Variants in TTC39B observed in about 807,000 individuals in gnomAD.
TTC39B encodes the protein tetratricopeptide repeat protein 39B.
A neutral mutation model predicts 96.6 loss-of-function variants in TTC39B; 92 were observed. The ratio of observed to expected loss-of-function variants is 0.95; its 90% confidence interval spans 0.80 to 1.13. TTC39B has a LOEUF of 1.13. Ranked by LOEUF, TTC39B falls within the 50% of genes most tolerant of loss-of-function variation. The pLI, the probability that TTC39B is intolerant of heterozygous loss-of-function variation, is 0.00. For synonymous variants in TTC39B, 367 were observed against 299.4 expected (o/e 1.23, Z -2.33); for missense variants, 955 against 809.3 (o/e 1.18, Z -2.18).
chr9:15,251,700 C>CATATACATATAT lies in TTC39B; in HGVS notation c.275+16213_275+16214insATATATGTATAT, dbSNP rs1220028763. Among the ~76,000 whole-genome samples, 5 of 98,366 alleles carry CATATACATATAT rather than the reference C, an allele frequency of 5.1e-5. No individual in the cohort carries two copies. In the East Asian group the frequency reaches 2.1e-3, roughly 42 times the overall value. The allele number at this position is 98,366 out of a possible 152,430, so 64.5% of individuals were successfully genotyped here. On this transcript the variant is annotated intron_variant, in intron 2 of 19. Transcript: ENST00000512701. ...ACACACACACACACACATACATATA[C>CATATACATATAT]ATATATATATATATATATATATATA... is the stretch of plus-strand genomic sequence containing the variant.
intron 3 of TTC39B, among the ~76,000 whole-genome samples, chr9:15,218,868 C>T (rs1820681819): frequency 6.6e-6 from 1 of 152,112 alleles, no homozygotes; most frequent in African/African-American, 2.4e-5. Flanking sequence ...TCCACTGAAA[C>T]TGTGATCCTA....
At chr9:15,305,024 A>T (rs1301056406) in intron 1 of TTC39B, among the ~76,000 whole-genome samples, 1 of 152,022 alleles carries the variant, frequency 6.6e-6, no homozygotes, top group Admixed American at 6.5e-5. Context: ...TCAAATAAAG[A>T]CTATCAGACT....
chr9:15,192,519 C>T, intron 9 of TTC39B, 71 bp downstream of exon 9: 2 of 1,170,068 alleles, frequency 1.7e-6, no homozygotes, highest in Non-Finnish European at 2.5e-6. Context: ...GGTTCAAATG[C>T]AGTGGAGAAG....
chr9:15,288,429 G>A (rs760640817), intron 1 of TTC39B, among the ~76,000 whole-genome samples: 1 of 152,216 alleles, frequency 6.6e-6, no homozygotes, highest in Non-Finnish European at 1.5e-5. Context: ...GCAAAGAGAA[G>A]AGAAGGAGTA....
intron 7 of TTC39B, among the ~76,000 whole-genome samples, chr9:15,201,283 C>T (rs182352328): frequency 1.3e-5 from 2 of 151,124 alleles, no homozygotes; most frequent in East Asian, 1.9e-4. Context: ...ACAAACATAT[C>T]TCATTTCAGG....
chr9:15,187,129 T>C (rs939518644), intron 14 of TTC39B, 94 bp from the exon 15 acceptor site: 2 of 876,374 alleles, frequency 2.3e-6, no homozygotes, highest in Non-Finnish European at 3.5e-6. Context: ...CTTCCAGATA[T>C]AAAATTAGAG....
chr9:15,266,210 C>T (rs536073056), intron 2 of TTC39B, among the ~76,000 whole-genome samples: 3 of 151,704 alleles, frequency 2.0e-5, no homozygotes, highest in East Asian at 1.9e-4. Flanking sequence ...TCTGAAACTG[C>T]TCCTAATTAA....
At chr9:15,205,678 C>T (rs1009318919) in intron 6 of TTC39B, among the ~76,000 whole-genome samples, 2 of 151,890 alleles carry the variant, frequency 1.3e-5, no homozygotes, top group Admixed American at 6.6e-5. Flanking sequence ...TTATTTTTAC[C>T]CAGTCACCTG....
chr9:15,187,994 A>T lies in TTC39B; in HGVS notation c.1372T>A (p.Cys458Ser), dbSNP rs74561491. The T allele has an allele frequency of 4.1e-3, 6,616 of 1,602,262 alleles. 28 individuals carry two copies. The highest frequency in any genetic ancestry group is 4.8e-3 in the Non-Finnish European group (5,673 of 1,175,560). ...ACCTTGGACCATTTACTCTCTTTGC[A>T]AAGCAGATCTGAATAGTAATATGCC... Residue 458 changes from cysteine to serine, a missense_variant, in exon 14 of 20, where the codon TGC becomes AGC. Coordinates refer to ENST00000512701, the Ensembl canonical transcript of TTC39B.
intron 2 of TTC39B, among the ~76,000 whole-genome samples, chr9:15,251,977 C>A (rs1822577775): frequency 6.6e-6 from 1 of 151,830 alleles, no homozygotes; most frequent in East Asian, 2.0e-4. Context: ...TCCCTGCTCC[C>A]CTGGAGCTCT....
chr9:15,274,717 A>G (rs1296139258), intron 1 of TTC39B, among the ~76,000 whole-genome samples: 4 of 152,092 alleles, frequency 2.6e-5, no homozygotes, highest in Non-Finnish European at 5.9e-5. Flanking sequence ...TCACACCTGA[A>G]AAAAAACTAA....
chr9:15,272,898 T>C (rs1262405069), intron 1 of TTC39B, among the ~76,000 whole-genome samples: 1 of 152,100 alleles, frequency 6.6e-6, no homozygotes, highest in Non-Finnish European at 1.5e-5. Flanking sequence ...AGCTGACAGA[T>C]ATAAGGCCAG....
At chr9:15,223,543 C>T (rs370152621) in intron 3 of TTC39B, among the ~76,000 whole-genome samples, 3 of 152,142 alleles carry the variant, frequency 2.0e-5, no homozygotes, top group African/African-American at 4.8e-5. Context: ...TGAGGTATGG[C>T]GCTATCATTT....
chr9:15,190,796 C>A, intron 10 of TTC39B, 134 bp from the exon 11 acceptor site: 1 of 729,966 alleles, frequency 1.4e-6, no homozygotes, highest in Non-Finnish European at 2.3e-6. Flanking sequence ...GAAGTCTGGG[C>A]TTTTAGTGTC....
chr9:15,225,190 G>T (rs608862), intron 3 of TTC39B, among the ~76,000 whole-genome samples: 81,210 of 151,838 alleles, frequency 0.53, 22,539 homozygotes, highest in East Asian at 0.75. Flanking sequence ...AATGGAAGGG[G>T]AAAATATCAC....
intron 5 of TTC39B, among the ~76,000 whole-genome samples, chr9:15,210,684 C>A (rs1820144922): frequency 6.6e-6 from 1 of 152,112 alleles, no homozygotes; most frequent in African/African-American, 2.4e-5. Context: ...GTGCTGCAGC[C>A]AGCCATTCCT....
rs570948659 is a variant in TTC39B at position 15,280,369 on chromosome 9, G to A, written c.241-12421C>T. ...ACAGAAAAAGTTTGCCTACGTTTGC[G>A]CAATGAATGAAACATCAGGTTTCCT... On this transcript the variant is annotated intron_variant, in intron 1 of 19. Coordinates refer to ENST00000512701, the Ensembl canonical transcript of TTC39B. 1.1e-4 allele frequency among the ~76,000 whole-genome samples: 16 copies of A among 152,298 alleles called. No homozygotes were observed. The South Asian group carries it at 2.9e-3, about 28-fold the overall frequency.
At chr9:15,254,122 G>C (rs1169613938) in intron 2 of TTC39B, among the ~76,000 whole-genome samples, 5 of 151,584 alleles carry the variant, frequency 3.3e-5, no homozygotes, top group African/African-American at 7.3e-5. Context: ...TTCAATAAAG[G>C]CTTGTTAAAC....
At chr9:15,201,803 A>C (rs970256329) in intron 7 of TTC39B, among the ~76,000 whole-genome samples, 2 of 152,232 alleles carry the variant, frequency 1.3e-5, no homozygotes, top group Middle Eastern at 3.4e-3. Flanking sequence ...GTTTTGTTTG[A>C]AAAAGTACCC....
Sources: gnomAD v4.1 joint callset for allele counts (sites outside exome capture counted in the v4.1 genomes callset) on GRCh38, gnomAD v4.1.1 for gene constraint, MANE v1.5 for transcripts, NCBI Gene and HGNC (gene_info 2026-07-23, HGNC 2026-07-21) for gene names.